The following ACOT13 variants were observed in gnomAD, a reference collection of about 807,000 sequenced individuals.
ACOT13 encodes acyl-coenzyme A thioesterase 13.
In ACOT13, 10 loss-of-function variants were observed where a neutral mutation model predicts 11.8. That is an observed-to-expected ratio of 0.85 (90% CI 0.53 to 1.44). The LOEUF (loss-of-function observed/expected upper bound fraction) is 1.44, where lower values mean the gene tolerates loss of function less well. Ranked by LOEUF, ACOT13 falls within the 40% of genes most tolerant of loss-of-function variation. The pLI is 0.00. For synonymous variants in ACOT13, 53 were observed against 61.0 expected (o/e 0.87, Z 0.61); for missense variants, 172 against 174.1 (o/e 0.99, Z 0.07).
intron 1 of ACOT13, chr6:24,687,391 C>G (rs1778648842): frequency 8.4e-7 from 1 of 1,189,452 alleles, no homozygotes; most frequent in African/African-American, 1.6e-5. Flanking sequence ...GCCATTGAAA[C>G]TTTTCTCCCA....
chr6:24,676,604 C>A (rs9358792), intron 1 of ACOT13, among the ~76,000 whole-genome samples: 57,309 of 150,764 alleles, frequency 0.38, 12,187 homozygotes, highest in Non-Finnish European at 0.5. Flanking sequence ...GTTGCTTATC[C>A]GCTTAAGGAG....
In ACOT13 at chr6:24,698,873, A is replaced by G. The variant is rs370565843; in HGVS notation, c.266+806A>G. ...GGCTGGTCTTGAACTCCTGACCTCCAGTGTCCACCCACCTCAGCCTCCCAA... is the reference window on the plus strand; with the variant it reads ...GGCTGGTCTTGAACTCCTGACCTCCGGTGTCCACCCACCTCAGCCTCCCAA... On this transcript the variant is annotated intron_variant, in intron 2 of 2. Coordinates refer to ENST00000230048, the MANE Select transcript of ACOT13 (RefSeq NM_018473.4). 9.2e-5 allele frequency among the ~76,000 whole-genome samples: 14 copies of G among 152,080 alleles called. No homozygotes were observed. The South Asian group carries it at 2.7e-3, about 29-fold the overall frequency.
In ACOT13 at chr6:24,702,580, ATCTTAGG is replaced by A. The variant is rs1388569082; in HGVS notation, c.*968_*974del. The A allele has an allele frequency of 1.3e-5, 2 of 152,192 alleles. No homozygotes were observed. Among genetic ancestry groups the A allele is most frequent in the African/African-American group, 4.8e-5 (2 of 41,448 alleles). The allele number at this position is 152,192 out of a possible 1,614,324, so 9.4% of individuals were successfully genotyped here. ...CACAGCAATGGCCAATCCTTAGCGA[ATCTTAGG>A]TCCTTCCCAGATCTAAAATGCCAAG... is the stretch of plus-strand genomic sequence containing the variant. On this transcript the variant is annotated 3_prime_UTR_variant, in exon 3 of 3. Coordinates refer to ENST00000230048, the MANE Select transcript of ACOT13 (RefSeq NM_018473.4).
At chr6:24,669,881 A>T (rs762200983) in intron 1 of ACOT13, among the ~76,000 whole-genome samples, 1 of 152,226 alleles carries the variant, frequency 6.6e-6, no homozygotes, top group African/African-American at 2.4e-5. Flanking sequence ...TCTGAAGTTT[A>T]AGTTGTCTAG....
At chr6:24,673,218 A>G (rs1167175433) in intron 1 of ACOT13, among the ~76,000 whole-genome samples, 2 of 152,226 alleles carry the variant, frequency 1.3e-5, no homozygotes, top group Admixed American at 6.5e-5. Context: ...GACCTTCTGC[A>G]ATGCACAGAA....
At position 24,701,797 on chromosome 6, in the gene ACOT13, CTT is replaced by C; in HGVS notation, c.*183_*184del. 1.9e-6 allele frequency: 1 copy of C among 527,348 alleles called. No individual in the cohort carries two copies. The highest frequency in any genetic ancestry group is 3.2e-6 in the Non-Finnish European group (1 of 315,760). The allele number at this position is 527,348 out of a possible 1,614,324, so 32.7% of individuals were successfully genotyped here. The stretch of plus-strand genomic sequence containing the variant: ...GGGTGTCTTTTTTCACTTTAAGCAT[CTT>C]GTTTTCTAATCATGTGTGATAATTG... On this transcript the variant is annotated 3_prime_UTR_variant, in exon 3 of 3. Coordinates refer to ENST00000230048, the MANE Select transcript of ACOT13 (RefSeq NM_018473.4).
intron 1 of ACOT13, chr6:24,687,467 A>G: frequency 8.2e-6 from 11 of 1,335,642 alleles, no homozygotes; most frequent in Non-Finnish European, 1.1e-5. Context: ...GGATCTAGAA[A>G]TACCATGTGG....
chr6:24,667,144 G>A lies in ACOT13; in HGVS notation c.-120G>A. The A allele has an allele frequency of 1.9e-6, 2 of 1,075,872 alleles. No homozygotes were observed. The highest frequency in any genetic ancestry group is 1.5e-5 in the South Asian group (1 of 68,354). The allele number at this position is 1,075,872 out of a possible 1,614,324, so 66.6% of individuals were successfully genotyped here. ...CTCCCGGCCTCTTGCGCTCCTAGGG[G>A]CGGAGAAGGGTGCGGGCTCTTCGCC... On this transcript the variant is annotated 5_prime_UTR_variant, in exon 1 of 3. Transcript: ENST00000230048.
chr6:24,675,081 A>G (rs1582434548), intron 1 of ACOT13, among the ~76,000 whole-genome samples: 1 of 152,086 alleles, frequency 6.6e-6, no homozygotes, highest in Non-Finnish European at 1.5e-5. Flanking sequence ...TTATGGCTGC[A>G]TAGTATTCCA....
In ACOT13 at chr6:24,697,912, A is replaced by G. The variant is rs749605795; in HGVS notation, c.111A>G (p.Lys37=). The G allele has an allele frequency of 2.4e-5, 38 of 1,611,294 alleles. No individual in the cohort carries two copies. The highest frequency in any genetic ancestry group is 3.1e-5 in the Non-Finnish European group (37 of 1,178,996). The change falls in exon 2 of 3, where the codon AAA becomes AAG. Residue 37 remains lysine, a synonymous_variant. Transcript: ENST00000230048. ...CTCTTGTCTCTGCTGCTCCTGGGAA[A>G]GTGATTTGTGAAATGAAAGTAGAAG... The part of the protein sequence containing the change: ...KITLVSAAPG[K]VICEMKVEEE...
Position 24,704,084 on chromosome 6 carries a change from TAA to T in ACOT13, c.*2471_*2472del, listed in dbSNP as rs758008612. 2 of 152,102 alleles carry T rather than the reference TAA, an allele frequency of 1.3e-5. No individual in the cohort carries two copies. Among genetic ancestry groups the T allele is most frequent in the African/African-American group, 2.4e-5 (1 of 41,398 alleles). The allele number at this position is 152,102 out of a possible 1,614,324, so 9.4% of individuals were successfully genotyped here. ...GGGACAACAAAACGAATATGGATGA[TAA>T]AGAGTATCAACATTCCCTGAGTTTG... On this transcript the variant is annotated 3_prime_UTR_variant, in exon 3 of 3. Coordinates refer to ENST00000230048, the MANE Select transcript of ACOT13 (RefSeq NM_018473.4).
intron 1 of ACOT13, among the ~76,000 whole-genome samples, chr6:24,692,415 A>C (rs1285412598): frequency 6.6e-6 from 1 of 152,152 alleles, no homozygotes; most frequent in East Asian, 1.9e-4. Flanking sequence ...AAGGATGCAA[A>C]TTAAAGTGGT....
At chr6:24,682,129 C>T (rs1295401327) in intron 1 of ACOT13, among the ~76,000 whole-genome samples, 1 of 152,214 alleles carries the variant, frequency 6.6e-6, no homozygotes, top group Non-Finnish European at 1.5e-5. Context: ...CCGCAGATAG[C>T]GTAACACCTG....
chr6:24,698,556 G>A (rs1478429213), intron 2 of ACOT13, among the ~76,000 whole-genome samples: 1 of 151,748 alleles, frequency 6.6e-6, no homozygotes, highest in Non-Finnish European at 1.5e-5. Flanking sequence ...TATGAGGATT[G>A]TATTGAGTAC....
At chr6:24,692,167 G>A (rs1243678096) in intron 1 of ACOT13, among the ~76,000 whole-genome samples, 1 of 152,114 alleles carries the variant, frequency 6.6e-6, no homozygotes, top group Non-Finnish European at 1.5e-5. Flanking sequence ...CTGGGGAGTG[G>A]CTGGGAGAGT....
intron 1 of ACOT13, among the ~76,000 whole-genome samples, chr6:24,677,933 A>T (rs6915781): frequency 0.39 from 59,827 of 152,078 alleles, 12,792 homozygotes; most frequent in Non-Finnish European, 0.5. Context: ...CTGTGAGCAG[A>T]GCTGAGCATT....
At chr6:24,683,405 C>T (rs1217057783) in intron 1 of ACOT13, among the ~76,000 whole-genome samples, 1 of 152,066 alleles carries the variant, frequency 6.6e-6, no homozygotes, top group East Asian at 1.9e-4. Context: ...GGTGTGGTGG[C>T]AAATGCCTGT....
chr6:24,689,910 G>T (rs1437889280), intron 1 of ACOT13, among the ~76,000 whole-genome samples: 1 of 152,132 alleles, frequency 6.6e-6, no homozygotes, highest in Non-Finnish European at 1.5e-5. Flanking sequence ...AATTTTAGCA[G>T]TAGTGAATGG....
chr6:24,682,701 A>G (rs1441504194), intron 1 of ACOT13, among the ~76,000 whole-genome samples: 4 of 150,220 alleles, frequency 2.7e-5, no homozygotes, highest in South Asian at 2.1e-4. Context: ...CGGGTCTGCG[A>G]TGGCGGCAAA....
Sources: gnomAD v4.1 joint callset for allele counts (sites outside exome capture counted in the v4.1 genomes callset) on GRCh38, gnomAD v4.1.1 for gene constraint, MANE v1.5 for transcripts, NCBI Gene and HGNC (gene_info 2026-07-23, HGNC 2026-07-21) for gene names.